Variants in ST8SIA1 observed in about 807,000 individuals in gnomAD.
The protein encoded by ST8SIA1 is alpha-N-acetylneuraminide alpha-2,8-sialyltransferase.
A neutral mutation model predicts 35.9 loss-of-function variants in ST8SIA1; 16 were observed. That is an observed-to-expected ratio of 0.45 (90% CI 0.30 to 0.68). The LOEUF (loss-of-function observed/expected upper bound fraction) is 0.68. Among genes scored for constraint, ST8SIA1 ranks in the 30% least tolerant of loss-of-function variants. The pLI, the probability that ST8SIA1 is intolerant of heterozygous loss-of-function variation, is 0.09. For missense variants in ST8SIA1, 383 were observed against 453.6 expected (o/e 0.84, Z 1.41); for synonymous variants, 170 against 169.6 (o/e 1.00, Z -0.02).
At chr12:22,317,708 G>C (rs1052788929) in intron 1 of ST8SIA1, among the ~76,000 whole-genome samples, 7 of 152,296 alleles carry the variant, frequency 4.6e-5, no homozygotes, top group South Asian at 4.1e-4. Context: ...CCTAATCTCT[G>C]AAGTGGCGTG....
chr12:22,267,194 T>C (rs1865859409), intron 2 of ST8SIA1, among the ~76,000 whole-genome samples: 1 of 152,202 alleles, frequency 6.6e-6, no homozygotes, highest in South Asian at 2.1e-4. Context: ...GGGCATCCAT[T>C]TTGTTTTCAA....
At chr12:22,260,233 C>A (rs1366801203) in intron 2 of ST8SIA1, among the ~76,000 whole-genome samples, 1 of 151,502 alleles carries the variant, frequency 6.6e-6, no homozygotes, top group African/African-American at 2.4e-5. Context: ...GCCATCACGG[C>A]TCACTGCAGC....
chr12:22,205,785 AT>A (rs1323042666), intron 4 of ST8SIA1, among the ~76,000 whole-genome samples: 2 of 152,162 alleles, frequency 1.3e-5, no homozygotes, highest in Non-Finnish European at 2.9e-5. Context: ...TAAAAAAAAA[AT>A]CATGAACTTA....
chr12:22,319,347 T>A (rs74068566), intron 1 of ST8SIA1, among the ~76,000 whole-genome samples: 1 of 152,240 alleles, frequency 6.6e-6, no homozygotes, highest in Non-Finnish European at 1.5e-5. Flanking sequence ...TGGTACTCAA[T>A]AAATGTTCAT....
At chr12:22,257,103 T>C (rs1398111428) in intron 2 of ST8SIA1, among the ~76,000 whole-genome samples, 2 of 152,144 alleles carry the variant, frequency 1.3e-5, no homozygotes, top group East Asian at 3.9e-4. Context: ...TAAGTAAAGA[T>C]AAATGAGTAA....
chr12:22,229,228 C>A (rs1331127004), intron 4 of ST8SIA1, among the ~76,000 whole-genome samples: 1 of 152,016 alleles, frequency 6.6e-6, no homozygotes, highest in African/African-American at 2.4e-5. Context: ...AGTGGAAATA[C>A]TGAGACAGCA....
intron 2 of ST8SIA1, chr12:22,268,523 G>T (rs1383871509): frequency 6.6e-6 from 1 of 152,268 alleles, no homozygotes; most frequent in East Asian, 1.9e-4. Context: ...GTTCAGCATG[G>T]CGGGGGAGGC....
At chr12:22,300,269 A>C (rs1565590479) in intron 1 of ST8SIA1, among the ~76,000 whole-genome samples, 1 of 152,160 alleles carries the variant, frequency 6.6e-6, no homozygotes, top group Non-Finnish European at 1.5e-5. Context: ...AATAAACTGC[A>C]TTCCTGAGAC....
chr12:22,213,241 A>G (rs1425507536), intron 4 of ST8SIA1, among the ~76,000 whole-genome samples: 2 of 152,186 alleles, frequency 1.3e-5, no homozygotes. Flanking sequence ...AAGGAAGTGA[A>G]TTTGAGAAAT....
intron 4 of ST8SIA1, among the ~76,000 whole-genome samples, chr12:22,237,291 C>G (rs989399244): frequency 4.6e-5 from 7 of 151,968 alleles, no homozygotes; most frequent in African/African-American, 1.7e-4. Context: ...GTGATAAGGT[C>G]TCACTATATG....
chr12:22,290,884 G>A (rs569143247), intron 1 of ST8SIA1, among the ~76,000 whole-genome samples: 2 of 152,270 alleles, frequency 1.3e-5, no homozygotes, highest in South Asian at 2.1e-4. Context: ...AATAAAATAA[G>A]AGGATCAAAA....
intron 4 of ST8SIA1, among the ~76,000 whole-genome samples, chr12:22,217,946 T>C (rs1449972243): frequency 6.6e-6 from 1 of 152,226 alleles, no homozygotes; most frequent in Non-Finnish European, 1.5e-5. Flanking sequence ...TGAATGTAAA[T>C]AACTGTTCAT....
chr12:22,241,520 A>G (rs1334431756), intron 4 of ST8SIA1, among the ~76,000 whole-genome samples: 3 of 151,976 alleles, frequency 2.0e-5, no homozygotes. Context: ...GCAGATGCCA[A>G]CATCATGCTT....
intron 3 of ST8SIA1, among the ~76,000 whole-genome samples, chr12:22,252,017 G>C (rs1307289787): frequency 6.6e-6 from 1 of 152,108 alleles, no homozygotes; most frequent in East Asian, 1.9e-4. Flanking sequence ...GTTAACTTTT[G>C]TCTGGCAAAT....
At chr12:22,226,829 C>T in intron 4 of ST8SIA1, among the ~76,000 whole-genome samples, 1 of 152,186 alleles carries the variant, frequency 6.6e-6, no homozygotes, top group East Asian at 1.9e-4. Flanking sequence ...ACTCTGTGCA[C>T]CTAATGGGTC....
intron 1 of ST8SIA1, among the ~76,000 whole-genome samples, chr12:22,315,771 A>G (rs1026161484): frequency 8.2e-5 from 5 of 60,824 alleles, no homozygotes; most frequent in African/African-American, 2.5e-4. Flanking sequence ...CCTTAATGTA[A>G]AAAAAAAAAA....
intron 4 of ST8SIA1, among the ~76,000 whole-genome samples, chr12:22,241,386 G>A (rs11608405): frequency 0.54 from 81,213 of 151,544 alleles, 22,208 homozygotes; most frequent in Admixed American, 0.62. Context: ...AGACCTGGCT[G>A]TTTAAGTGTG....
At chr12:22,309,593 C>G (rs1866425665) in intron 1 of ST8SIA1, among the ~76,000 whole-genome samples, 1 of 152,136 alleles carries the variant, frequency 6.6e-6, no homozygotes, top group Admixed American at 6.6e-5. Flanking sequence ...GATTTGGCCA[C>G]TCTGCTCAGT....
intron 4 of ST8SIA1, among the ~76,000 whole-genome samples, chr12:22,246,305 C>T (rs1344123541): frequency 1.3e-5 from 2 of 152,196 alleles, no homozygotes; most frequent in Admixed American, 1.3e-4. Flanking sequence ...GGGGGAAAAA[C>T]ACAAACACAC....
Sources: allele counts gnomAD v4.1 joint callset (sites outside exome capture counted in the v4.1 genomes callset), GRCh38; gene constraint gnomAD v4.1.1; transcripts MANE v1.5; gene names NCBI Gene and HGNC (gene_info 2026-07-23, HGNC 2026-07-21).